LCLAT1: variants seen among roughly 807,000 people sequenced by gnomAD.
LCLAT1 encodes lysocardiolipin acyltransferase 1.
A neutral mutation model predicts 30.7 loss-of-function variants in LCLAT1; 11 were observed. That is an observed-to-expected ratio of 0.36 (90% CI 0.23 to 0.59). The LOEUF is 0.59. Ranked by LOEUF, LCLAT1 falls within the 20% of genes least tolerant of loss-of-function variation. The pLI, the probability that LCLAT1 is intolerant of heterozygous loss-of-function variation, is 0.77. For synonymous variants in LCLAT1, 155 were observed against 151.3 expected, an observed-to-expected ratio of 1.02 and a Z score of -0.18; for missense variants, 402 against 458.6, an observed-to-expected ratio of 0.88 and a Z score of 1.13.
intron 1 of LCLAT1, among the ~76,000 whole-genome samples, chr2:30,498,765 C>G (rs1684232343): frequency 6.6e-6 from 1 of 152,120 alleles, no homozygotes; most frequent in Non-Finnish European, 1.5e-5. Context: ...TTGTAAAGTT[C>G]TTTATACGGT....
chr2:30,522,281 G>T (rs1159601018), intron 1 of LCLAT1, among the ~76,000 whole-genome samples: 1 of 152,202 alleles, frequency 6.6e-6, no homozygotes, highest in African/African-American at 2.4e-5. Flanking sequence ...TTCCAAAGTG[G>T]CCATCCCATT....
chr2:30,484,564 A>G (rs561707506), intron 1 of LCLAT1, among the ~76,000 whole-genome samples: 4 of 152,256 alleles, frequency 2.6e-5, no homozygotes, highest in Admixed American at 1.3e-4. Flanking sequence ...AGCACTAGAA[A>G]AGTACTGTGG....
chr2:30,574,015 C>T (rs1665891233), intron 5 of LCLAT1, among the ~76,000 whole-genome samples: 1 of 152,000 alleles, frequency 6.6e-6, no homozygotes, highest in South Asian at 2.1e-4. Context: ...GTGGCACACA[C>T]CTCTTAATCC....
At chr2:30,630,413 C>A (rs566165367) in intron 5 of LCLAT1, among the ~76,000 whole-genome samples, 1 of 152,234 alleles carries the variant, frequency 6.6e-6, no homozygotes, top group East Asian at 1.9e-4. Context: ...GAGGAAAAAA[C>A]AAATGGAAGG....
chr2:30,456,172 G>A (rs1205019490), intron 1 of LCLAT1, among the ~76,000 whole-genome samples: 1 of 152,216 alleles, frequency 6.6e-6, no homozygotes, highest in Non-Finnish European at 1.5e-5. Context: ...CAAAGTGGGT[G>A]TCCTCATTAC....
chr2:30,552,902 G>A (rs972839325), intron 3 of LCLAT1, among the ~76,000 whole-genome samples: 2 of 152,160 alleles, frequency 1.3e-5, no homozygotes, highest in African/African-American at 2.4e-5. Context: ...CCTATGGGTA[G>A]CATTTCTGTG....
At chr2:30,622,560 C>T (rs984778114) in intron 5 of LCLAT1, among the ~76,000 whole-genome samples, 2 of 152,204 alleles carry the variant, frequency 1.3e-5, no homozygotes, top group African/African-American at 4.8e-5. Context: ...CGCTTCACTC[C>T]CCCAATACCT....
chr2:30,625,780 A>C (rs1558564914), intron 5 of LCLAT1, among the ~76,000 whole-genome samples: 1 of 152,232 alleles, frequency 6.6e-6, no homozygotes, highest in African/African-American at 2.4e-5. Flanking sequence ...TGTTCTTAAT[A>C]TGCCATTTTT....
intron 5 of LCLAT1, among the ~76,000 whole-genome samples, chr2:30,615,089 G>A (rs1667932498): frequency 6.6e-6 from 1 of 152,128 alleles, no homozygotes; most frequent in Non-Finnish European, 1.5e-5. Flanking sequence ...CTGTGTAAGT[G>A]AACACAGAGA....
intron 5 of LCLAT1, among the ~76,000 whole-genome samples, chr2:30,578,345 T>C (rs1399764066): frequency 6.6e-6 from 1 of 152,126 alleles, no homozygotes; most frequent in Non-Finnish European, 1.5e-5. Flanking sequence ...ATAAGTGAAA[T>C]GTGGCCCAGT....
chr2:30,469,627 G>A (rs552679311), intron 1 of LCLAT1, among the ~76,000 whole-genome samples: 2 of 144,472 alleles, frequency 1.4e-5, no homozygotes, highest in Non-Finnish European at 3.0e-5. Flanking sequence ...CACCCAGGGT[G>A]GAGTGCAGTG....
intron 5 of LCLAT1, among the ~76,000 whole-genome samples, chr2:30,633,562 G>A (rs1668869831): frequency 6.6e-6 from 1 of 152,116 alleles, no homozygotes; most frequent in African/African-American, 2.4e-5. Flanking sequence ...GTGTGTGCCT[G>A]TAGTCCCAGC....
At chr2:30,459,947 A>C (rs1682029889) in intron 1 of LCLAT1, among the ~76,000 whole-genome samples, 1 of 152,246 alleles carries the variant, frequency 6.6e-6, no homozygotes, top group South Asian at 2.1e-4. Context: ...CTGTGAAAGA[A>C]CAAACCCAGC....
chr2:30,604,360 A>C (rs1446181942), intron 5 of LCLAT1, among the ~76,000 whole-genome samples: 2 of 152,128 alleles, frequency 1.3e-5, no homozygotes, highest in Non-Finnish European at 2.9e-5. Context: ...GCTGTCTTTT[A>C]ATCAGCATTG....
chr2:30,637,409 G>T (rs1669087340), intron 5 of LCLAT1, among the ~76,000 whole-genome samples: 1 of 152,010 alleles, frequency 6.6e-6, no homozygotes, highest in South Asian at 2.1e-4. Context: ...ATCAGCAATG[G>T]AATAGGGTCT....
intron 2 of LCLAT1, among the ~76,000 whole-genome samples, chr2:30,531,655 T>A (rs1454099529): frequency 6.6e-6 from 1 of 152,174 alleles, no homozygotes; most frequent in Non-Finnish European, 1.5e-5. Flanking sequence ...CCCAAATGAT[T>A]TTGTATCAGG....
At chr2:30,587,644 A>G (rs1666504257) in intron 5 of LCLAT1, among the ~76,000 whole-genome samples, 1 of 152,260 alleles carries the variant, frequency 6.6e-6, no homozygotes, top group East Asian at 1.9e-4. Context: ...AGGATGGTGA[A>G]GTTGTAATAT....
intron 3 of LCLAT1, among the ~76,000 whole-genome samples, chr2:30,552,953 G>A (rs548160004): frequency 1.3e-5 from 2 of 152,116 alleles, no homozygotes; most frequent in South Asian, 2.1e-4. Flanking sequence ...AAATAATGTC[G>A]AAGGAGCAGT....
At chr2:30,630,797 A>G (rs1412754502) in intron 5 of LCLAT1, among the ~76,000 whole-genome samples, 1 of 152,236 alleles carries the variant, frequency 6.6e-6, no homozygotes, top group East Asian at 1.9e-4. Context: ...CATATGAGCC[A>G]AAATGTACTT....
Sources: allele counts gnomAD v4.1 joint callset (sites outside exome capture counted in the v4.1 genomes callset), GRCh38; gene constraint gnomAD v4.1.1; transcripts MANE v1.5; gene names NCBI Gene and HGNC (gene_info 2026-07-23, HGNC 2026-07-21).